The following RBFOX1 variants were observed in gnomAD, a reference collection of about 807,000 sequenced individuals.
RBFOX1 encodes RNA binding protein fox-1 homolog 1.
A neutral mutation model predicts 57.7 loss-of-function variants in RBFOX1; 8 were observed. The observed-to-expected ratio is 0.14, with a 90% confidence interval of 0.08 to 0.25. RBFOX1 has a LOEUF of 0.25. Ranked by LOEUF, RBFOX1 falls within the 10% of genes least tolerant of loss-of-function variation. RBFOX1 has a pLI of 1.00. For synonymous variants in RBFOX1, 326 were observed against 222.4 expected, an observed-to-expected ratio of 1.47 and a Z score of -4.15; for missense variants, 611 against 548.5, an observed-to-expected ratio of 1.11 and a Z score of -1.14.
At chr16:7,571,904 G>A (rs2092814506) in intron 5 of RBFOX1, among the ~76,000 whole-genome samples, 1 of 152,158 alleles carries the variant, frequency 6.6e-6, no homozygotes, top group Non-Finnish European at 1.5e-5. Context: ...CAAGGCAGGT[G>A]GATCACCTGA....
At chr16:5,939,875 G>C (rs2059245532) in intron 4 of RBFOX1, among the ~76,000 whole-genome samples, 1 of 152,184 alleles carries the variant, frequency 6.6e-6, no homozygotes, top group African/African-American at 2.4e-5. Context: ...TTGACAGTGT[G>C]GTGGGATGAA....
intron 1 of RBFOX1, among the ~76,000 whole-genome samples, chr16:6,022,893 A>C (rs1470214809): frequency 1.3e-5 from 2 of 152,190 alleles, no homozygotes; most frequent in Non-Finnish European, 2.9e-5. Context: ...TACCCTGTGA[A>C]AAGATTTCTA....
At chr16:6,208,338 A>G (rs963702750) in intron 1 of RBFOX1, among the ~76,000 whole-genome samples, 2 of 152,050 alleles carry the variant, frequency 1.3e-5, no homozygotes, top group Admixed American at 6.6e-5. Context: ...CACCTATTGC[A>G]TTGAGGGAAT....
At chr16:7,449,285 A>G (rs997045066) in intron 4 of RBFOX1, among the ~76,000 whole-genome samples, 21 of 152,142 alleles carry the variant, frequency 1.4e-4, no homozygotes, top group African/African-American at 5.1e-4. Flanking sequence ...TTTTAAAATA[A>G]TGTCTCATTA....
intron 3 of RBFOX1, among the ~76,000 whole-genome samples, chr16:5,617,444 C>G (rs940886652): frequency 1.3e-5 from 2 of 152,216 alleles, no homozygotes; most frequent in Admixed American, 6.5e-5. Context: ...ACCCCAGAAG[C>G]TGTTTCTGTC....
intron 7 of RBFOX1, among the ~76,000 whole-genome samples, chr16:7,587,608 T>C (rs1377137071): frequency 6.6e-6 from 1 of 152,244 alleles, no homozygotes; most frequent in African/African-American, 2.4e-5. Flanking sequence ...ATGTTCTTTA[T>C]ATTAAAAAGT....
At chr16:5,535,903 C>G (rs1295853381) in intron 2 of RBFOX1, among the ~76,000 whole-genome samples, 1 of 152,150 alleles carries the variant, frequency 6.6e-6, no homozygotes, top group Non-Finnish European at 1.5e-5. Context: ...CTGTAAGAGT[C>G]ACACACTTTA....
chr16:7,447,430 C>CAAAAAAAAAAAAAAAA (rs202234230), intron 4 of RBFOX1, among the ~76,000 whole-genome samples: 27 of 98,510 alleles, frequency 2.7e-4, no homozygotes, highest in African/African-American at 9.6e-4. Context: ...GAGTCTATCT[C>CAAAAAAAAAAAAAAAA]AAAAAAAAAA....
intron 4 of RBFOX1, among the ~76,000 whole-genome samples, chr16:7,452,041 T>C (rs2150234090): frequency 6.6e-6 from 1 of 152,206 alleles, no homozygotes; most frequent in South Asian, 2.1e-4. Flanking sequence ...CAAAGCAATA[T>C]CATTCAAAAA....
chr16:5,496,180 C>T (rs1480580176), intron 2 of RBFOX1, among the ~76,000 whole-genome samples: 3 of 152,148 alleles, frequency 2.0e-5, no homozygotes, highest in African/African-American at 4.8e-5. Flanking sequence ...CCCCAAACCC[C>T]GCTGAGCACA....
chr16:7,189,897 A>G (rs1170359809), intron 4 of RBFOX1, among the ~76,000 whole-genome samples: 1 of 152,246 alleles, frequency 6.6e-6, no homozygotes, highest in Non-Finnish European at 1.5e-5. Context: ...ATCCATAAGA[A>G]AAACAGATCA....
chr16:6,734,899 T>A (rs1050078762), intron 3 of RBFOX1, among the ~76,000 whole-genome samples: 1 of 152,296 alleles, frequency 6.6e-6, no homozygotes, highest in South Asian at 2.1e-4. Flanking sequence ...GTTATCAGAA[T>A]GTATTAGGTT....
intron 4 of RBFOX1, among the ~76,000 whole-genome samples, chr16:7,400,175 A>G (rs571655269): frequency 2.6e-5 from 4 of 152,292 alleles, no homozygotes; most frequent in African/African-American, 9.6e-5. Flanking sequence ...CAATTATGCT[A>G]GAAGTTCTCA....
At position 6,019,771 on chromosome 16, in the gene RBFOX1, C is replaced by A. The variant is rs1385113193; in HGVS notation, c.-348C>A. 1.4e-5 allele frequency: 20 copies of A among 1,407,788 alleles called. No homozygotes were observed. Among genetic ancestry groups the A allele is most frequent in the Non-Finnish European group, 1.9e-5 (20 of 1,080,018 alleles). 87.2% of individuals were successfully genotyped at this position (1,407,788 alleles called of 1,614,324 possible). ...TGCGCTCCAGACCCCCACCCAGTGG[C>A]CGCCAGGGTCCCCGCCTGTCCGGAC... On this transcript the variant is annotated 5_prime_UTR_variant, in exon 1 of 16. Transcript: ENST00000550418. The surrounding 1 kb of genome is among the most constrained non-coding windows in gnomAD (Gnocchi z 4.2).
chr16:6,677,351 T>C (rs1568172135), intron 3 of RBFOX1, among the ~76,000 whole-genome samples: 1 of 152,168 alleles, frequency 6.6e-6, no homozygotes, highest in Admixed American at 6.5e-5. Context: ...TCTCCATAGA[T>C]ACAAACACAC....
intron 6 of RBFOX1, among the ~76,000 whole-genome samples, chr16:7,581,582 A>G (rs2093766076): frequency 6.6e-6 from 1 of 152,172 alleles, no homozygotes; most frequent in South Asian, 2.1e-4. Flanking sequence ...GAGGTATTCA[A>G]AATATTCACA....
At chr16:5,613,746 A>G (rs1242383492) in intron 3 of RBFOX1, among the ~76,000 whole-genome samples, 4 of 152,062 alleles carry the variant, frequency 2.6e-5, no homozygotes, top group Middle Eastern at 3.2e-3. Flanking sequence ...TTCTTTGCAC[A>G]TCTCCAAGTT....
At chr16:5,369,272 G>C (rs868404220) in intron 1 of RBFOX1, among the ~76,000 whole-genome samples, 1 of 152,208 alleles carries the variant, frequency 6.6e-6, no homozygotes, top group Middle Eastern at 3.2e-3. Flanking sequence ...AAAGTGCTGA[G>C]ATTACAGGCA....
At chr16:5,985,881 C>T (rs567530313) in intron 4 of RBFOX1, among the ~76,000 whole-genome samples, 4 of 152,226 alleles carry the variant, frequency 2.6e-5, no homozygotes, top group African/African-American at 7.2e-5. Flanking sequence ...ATCACACTTA[C>T]GTTTGAGAAG....
Sources: gnomAD v4.1 joint callset for allele counts (sites outside exome capture counted in the v4.1 genomes callset) on GRCh38, gnomAD v4.1.1 for gene constraint, Gnocchi (gnomAD v3.1) non-coding constraint, MANE v1.5 for transcripts, NCBI Gene and HGNC (gene_info 2026-07-23, HGNC 2026-07-21) for gene names.